Variants in TMEM163 observed in about 807,000 individuals in gnomAD.
The protein encoded by TMEM163 is transmembrane protein 163.
A neutral mutation model predicts 29.3 loss-of-function variants in TMEM163; 17 were observed. That is an observed-to-expected ratio of 0.58 (90% confidence interval 0.40 to 0.87). TMEM163 has a LOEUF of 0.87. TMEM163 is among the 40% of genes least tolerant of loss of function. TMEM163 has a pLI of 0.00. For synonymous variants in TMEM163, 157 were observed against 160.6 expected (o/e 0.98, Z 0.17); for missense variants, 303 against 381.5 (o/e 0.79, Z 1.71).
Position 134,563,079 on chromosome 2 carries a change from GGACC to G in TMEM163, c.323-10992_323-10989del, listed in dbSNP as rs573068145. Among the ~76,000 whole-genome samples, 3 of 152,246 alleles carry G rather than the reference GGACC, an allele frequency of 2.0e-5. No homozygotes were observed. In the South Asian group the frequency reaches 6.2e-4, roughly 32 times the overall value. ...GAGCTGAGCTCCAGCATCCACCCCT[GGACC>G]CTTTCCTGATATTCTACACACTAGA... On this transcript the variant is annotated intron_variant, in intron 2 of 7. Coordinates refer to ENST00000281924, the MANE Select transcript of TMEM163 (RefSeq NM_030923.5).
chr2:134,495,183 T>A (rs1268847294), intron 5 of TMEM163, among the ~76,000 whole-genome samples: 1 of 152,124 alleles, frequency 6.6e-6, no homozygotes, highest in Admixed American at 6.5e-5. Flanking sequence ...TGGAAGTCAA[T>A]GCCTGGGAAG....
chr2:134,546,489 A>T (rs1366425887), intron 4 of TMEM163, among the ~76,000 whole-genome samples: 1 of 152,062 alleles, frequency 6.6e-6, no homozygotes. Flanking sequence ...TAAAAATACA[A>T]AAAAATTAGC....
chr2:134,550,347 C>T (rs1169500133), intron 4 of TMEM163, among the ~76,000 whole-genome samples: 1 of 152,152 alleles, frequency 6.6e-6, no homozygotes, highest in Non-Finnish European at 1.5e-5. Flanking sequence ...TTCTCAAAAT[C>T]TGAGAACAGA....
At chr2:134,469,897 T>C (rs975462112) in intron 5 of TMEM163, 1 of 152,388 alleles carries the variant, frequency 6.6e-6, no homozygotes. Flanking sequence ...CAGCCTTCTT[T>C]CCTGACTGCA....
At chr2:134,551,964 C>G in intron 3 of TMEM163, 84 bp downstream of exon 3, 1 of 1,081,600 alleles carries the variant, frequency 9.2e-7, no homozygotes, top group Non-Finnish European at 1.4e-6. Flanking sequence ...CACTAACCAC[C>G]CTCATTTGAG....
intron 2 of TMEM163, among the ~76,000 whole-genome samples, chr2:134,571,539 G>A (rs74863860): frequency 6.6e-6 from 1 of 152,058 alleles, no homozygotes; most frequent in Non-Finnish European, 1.5e-5. Context: ...CCTATATTAG[G>A]GGTCCCCAAG....
intron 2 of TMEM163, among the ~76,000 whole-genome samples, chr2:134,582,069 C>T (rs1175174091): frequency 6.6e-6 from 1 of 152,108 alleles, no homozygotes; most frequent in African/African-American, 2.4e-5. Context: ...ACAAGGTATG[C>T]AAGAGTTTAA....
At chr2:134,494,813 TC>T (rs1322233350) in intron 5 of TMEM163, among the ~76,000 whole-genome samples, 1 of 152,170 alleles carries the variant, frequency 6.6e-6, no homozygotes, top group Non-Finnish European at 1.5e-5. Flanking sequence ...CTCCTGGGCA[TC>T]CTTAACCCCT....
intron 4 of TMEM163, 122 bp downstream of exon 4, chr2:134,550,448 C>A: frequency 2.3e-6 from 2 of 870,774 alleles, no homozygotes; most frequent in Admixed American, 2.1e-5. Flanking sequence ...TCAGAAGCAA[C>A]CTGGGGACCT....
At chr2:134,606,890 C>T (rs1163396792) in intron 2 of TMEM163, among the ~76,000 whole-genome samples, 3 of 152,196 alleles carry the variant, frequency 2.0e-5, no homozygotes, top group South Asian at 2.1e-4. Context: ...GCAACAGGCT[C>T]GGGTGTGGCG....
intron 2 of TMEM163, among the ~76,000 whole-genome samples, chr2:134,683,591 C>A (rs954926177): frequency 2.0e-5 from 3 of 152,186 alleles, no homozygotes; most frequent in Non-Finnish European, 4.4e-5. Context: ...ATTAGTGGTT[C>A]TGCAACTCTG....
chr2:134,517,612 C>A (rs964698906), intron 4 of TMEM163, among the ~76,000 whole-genome samples: 1 of 152,104 alleles, frequency 6.6e-6, no homozygotes, highest in Non-Finnish European at 1.5e-5. Context: ...GGAAGCAGAG[C>A]CCAGGAGTTC....
chr2:134,655,730 C>G (rs1317194203), intron 2 of TMEM163, among the ~76,000 whole-genome samples: 1 of 141,248 alleles, frequency 7.1e-6, no homozygotes, highest in Non-Finnish European at 1.5e-5. Flanking sequence ...GTTTTCGGTG[C>G]GGATGTCCTT....
intron 2 of TMEM163, among the ~76,000 whole-genome samples, chr2:134,591,294 T>C (rs1681929106): frequency 6.6e-6 from 1 of 152,172 alleles, no homozygotes; most frequent in Non-Finnish European, 1.5e-5. Flanking sequence ...TCTCTCACAA[T>C]GAGAGACTGC....
At chr2:134,589,473 C>A (rs1681894048) in intron 2 of TMEM163, among the ~76,000 whole-genome samples, 1 of 152,174 alleles carries the variant, frequency 6.6e-6, no homozygotes, top group Non-Finnish European at 1.5e-5. Context: ...CTCTGGTCGT[C>A]CTCACTGCTC....
At chr2:134,690,735 C>A (rs148594269) in intron 2 of TMEM163, among the ~76,000 whole-genome samples, 3 of 152,242 alleles carry the variant, frequency 2.0e-5, no homozygotes, top group Non-Finnish European at 4.4e-5. Context: ...AACTTCATGA[C>A]TTTGGCTTTC....
intron 2 of TMEM163, among the ~76,000 whole-genome samples, chr2:134,702,358 C>G (rs1558997531): frequency 6.6e-6 from 1 of 152,134 alleles, no homozygotes; most frequent in Non-Finnish European, 1.5e-5. Flanking sequence ...TTAAAAAGAT[C>G]CAACCAGGGG....
intron 6 of TMEM163, 116 bp downstream of exon 6, chr2:134,465,998 A>G (rs1686661960): frequency 2.8e-6 from 2 of 719,912 alleles, no homozygotes; most frequent in Admixed American, 5.6e-5. Flanking sequence ...AGAGTGAGAA[A>G]TGGATTCCAA....
At chr2:134,673,106 C>A (rs769257451) in intron 2 of TMEM163, among the ~76,000 whole-genome samples, 36 of 152,152 alleles carry the variant, frequency 2.4e-4, no homozygotes, top group Non-Finnish European at 3.7e-4. Context: ...TCATCATGGA[C>A]CCTCTCCACA....
Sources: allele counts gnomAD v4.1 joint callset (sites outside exome capture counted in the v4.1 genomes callset), GRCh38; gene constraint gnomAD v4.1.1; transcripts MANE v1.5; gene names NCBI Gene and HGNC (gene_info 2026-07-23, HGNC 2026-07-21).